The following PLXNA2 variants were observed in gnomAD, a reference collection of about 807,000 sequenced individuals.
The protein encoded by PLXNA2 is plexin A2, also known as plexin-A2.
PLXNA2 carries 91 observed loss-of-function variants against 193.5 expected under a neutral mutation model. That is an observed-to-expected ratio of 0.47 (90% confidence interval 0.40 to 0.56). The LOEUF is 0.56. PLXNA2 is among the 20% of genes least tolerant of loss of function. PLXNA2 has a pLI of 0.00. For synonymous variants in PLXNA2, 997 were observed against 1,027.3 expected (o/e 0.97, Z 0.56); for missense variants, 1,995 against 2,503.2 (o/e 0.80, Z 4.33).
intron 17 of PLXNA2, among the ~76,000 whole-genome samples, chr1:208,049,983 T>C (rs945735917): frequency 9.9e-5 from 15 of 152,216 alleles, no homozygotes; most frequent in Non-Finnish European, 4.4e-5. Flanking sequence ...AATACAATCA[T>C]GTTTCAAAAA....
At chr1:208,148,910 A>G (rs1171225452) in intron 3 of PLXNA2, among the ~76,000 whole-genome samples, 3 of 152,190 alleles carry the variant, frequency 2.0e-5, no homozygotes, top group African/African-American at 7.2e-5. Context: ...ATAAATATAA[A>G]GCTGTTCTTG....
intron 3 of PLXNA2, among the ~76,000 whole-genome samples, chr1:208,164,471 G>A (rs931221882): frequency 6.6e-6 from 1 of 152,142 alleles, no homozygotes; most frequent in East Asian, 1.9e-4. Flanking sequence ...TTGCTTTTTG[G>A]TGGTGTCTTC....
In PLXNA2 at chr1:208,038,192, C is replaced by T. The variant is rs564252488; in HGVS notation, c.4764+179G>A. 2.6e-5 allele frequency among the ~76,000 whole-genome samples: 4 copies of T among 152,292 alleles called. No individual in the cohort carries two copies. Among genetic ancestry groups the T allele is most frequent in the African/African-American group, 7.2e-5 (3 of 41,564 alleles). On this transcript the variant is annotated intron_variant, in intron 26 of 31. Coordinates refer to ENST00000367033, the MANE Select transcript of PLXNA2 (RefSeq NM_025179.4). This position sits in a 1 kb window ranked among gnomAD's most constrained non-coding sequence, Gnocchi z 4.1. ...GAGTTTGGTCACTCACGTTTTTTAT[C>T]AGTTCCCTCAGTAATTCCAATGGGC...
intron 5 of PLXNA2, among the ~76,000 whole-genome samples, chr1:208,101,408 G>T (rs1356303844): frequency 6.6e-6 from 1 of 152,188 alleles, no homozygotes; most frequent in African/African-American, 2.4e-5. Context: ...AGAAGAGAAT[G>T]ACCAGATGCA....
At position 208,096,020 on chromosome 1, in the gene PLXNA2, A is replaced by G; in HGVS notation, c.1982+9T>C. The G allele has an allele frequency of 6.2e-7, 1 of 1,603,762 alleles. No individual in the cohort carries two copies. ...ACCCAGAGCAAGACCCTTTCTAATAAGCACTTACAGTTGGTGGGCACTGCA... is the reference window on the plus strand; with the variant it reads ...ACCCAGAGCAAGACCCTTTCTAATAGGCACTTACAGTTGGTGGGCACTGCA... On this transcript the variant is annotated intron_variant, in intron 8 of 31. Transcript: ENST00000367033.
intron 29 of PLXNA2, 40 bp downstream of exon 29, chr1:208,031,550 C>G (rs1004008397): frequency 6.2e-7 from 1 of 1,612,246 alleles, no homozygotes; most frequent in African/African-American, 1.3e-5. Flanking sequence ...CTCCAGGCCT[C>G]TCCAGGCTGC....
chr1:208,121,388 A>T lies in PLXNA2; in HGVS notation c.1507-18141T>A, dbSNP rs551408572. Among the ~76,000 whole-genome samples the T allele has an allele frequency of 5.5e-4, 84 of 152,322 alleles. 1 individual carries two copies. The highest frequency in any genetic ancestry group is 2.5e-3 in the Admixed American group (38 of 15,308). The stretch of plus-strand genomic sequence containing the variant: ...AGAATTCTCGTGCTTATGAAAAAAG[A>T]ATACTGATATGGTTTGGCTCTGTGT... On this transcript the variant is annotated intron_variant, in intron 4 of 31. Coordinates refer to ENST00000367033, the MANE Select transcript of PLXNA2 (RefSeq NM_025179.4).
intron 4 of PLXNA2, among the ~76,000 whole-genome samples, chr1:208,132,206 T>A (rs1309717864): frequency 1.3e-5 from 2 of 152,194 alleles, no homozygotes; most frequent in Non-Finnish European, 2.9e-5. Context: ...AACTAAACAG[T>A]GCACTACTCC....
At chr1:208,090,443 G>A (rs776647846) in intron 9 of PLXNA2, among the ~76,000 whole-genome samples, 5 of 152,166 alleles carry the variant, frequency 3.3e-5, no homozygotes, top group East Asian at 3.9e-4. Flanking sequence ...GCCCAGCTCC[G>A]GAATGTTGAA....
intron 4 of PLXNA2, among the ~76,000 whole-genome samples, 185 bp from the exon 5 acceptor site, chr1:208,103,432 G>C (rs747269422): frequency 6.6e-6 from 1 of 152,218 alleles, no homozygotes; most frequent in Non-Finnish European, 1.5e-5. Context: ...AGGCTAAGCC[G>C]AGTGTGTCTC....
chr1:208,156,340 T>A (rs763435471), intron 3 of PLXNA2, among the ~76,000 whole-genome samples: 1 of 152,168 alleles, frequency 6.6e-6, no homozygotes, highest in Non-Finnish European at 1.5e-5. Flanking sequence ...TAGGAACTCA[T>A]CCCTATTTAA....
At chr1:208,241,896 C>G (rs1173947938) in intron 1 of PLXNA2, among the ~76,000 whole-genome samples, 1 of 141,334 alleles carries the variant, frequency 7.1e-6, no homozygotes. Flanking sequence ...AACAACCTCG[C>G]TATGACAGAT....
At chr1:208,118,683 C>T (rs1558201517) in intron 4 of PLXNA2, among the ~76,000 whole-genome samples, 1 of 151,950 alleles carries the variant, frequency 6.6e-6, no homozygotes, top group Admixed American at 6.6e-5. Flanking sequence ...CCAATGTCAT[C>T]GAGCTTCTGG....
intron 3 of PLXNA2, among the ~76,000 whole-genome samples, chr1:208,205,633 A>G (rs951792425): frequency 2.0e-5 from 3 of 152,198 alleles, no homozygotes; most frequent in Non-Finnish European, 4.4e-5. Flanking sequence ...TGGCAGTATC[A>G]TTGAGAAGAT....
At chr1:208,241,947 C>T (rs946538687) in intron 1 of PLXNA2, among the ~76,000 whole-genome samples, 4 of 152,086 alleles carry the variant, frequency 2.6e-5, no homozygotes, top group Non-Finnish European at 4.4e-5. Flanking sequence ...TCTTCACTGC[C>T]CCTTCAGCCT....
intron 12 of PLXNA2, among the ~76,000 whole-genome samples, chr1:208,061,199 T>A (rs1282986121): frequency 1.3e-5 from 2 of 152,150 alleles, no homozygotes; most frequent in Non-Finnish European, 2.9e-5. Context: ...TCAGCTTTCT[T>A]AGTTGTGAAG....
At position 208,042,325 on chromosome 1, in the gene PLXNA2, C is replaced by T; in HGVS notation, c.4059G>A (p.Lys1353=). 6.2e-7 allele frequency: 1 copy of T among 1,614,170 alleles called. No individual in the cohort carries two copies. Among genetic ancestry groups the T allele is most frequent in the South Asian group, 1.1e-5 (1 of 91,086 alleles). ...NGQQHVEKAL[K]LFAQLINNKV... is the part of the protein sequence containing the mutation. The stretch of plus-strand genomic sequence containing the variant: ...TGTTGTTGATGAGCTGGGCAAAGAG[C>T]TTCAGGGCCTTCTCCACGTGCTGCT... Residue 1353 remains lysine, a synonymous_variant, in exon 22 of 32, where the codon AAG becomes AAA. Transcript: ENST00000367033.
chr1:208,064,870 G>T (rs140328067), intron 12 of PLXNA2, among the ~76,000 whole-genome samples: 119 of 145,162 alleles, frequency 8.2e-4, no homozygotes, highest in African/African-American at 2.9e-3. Flanking sequence ...CCAATCCCCC[G>T]ACCCCCACCA....
chr1:208,102,935 T>C (rs1463247780), intron 5 of PLXNA2, among the ~76,000 whole-genome samples: 1 of 152,180 alleles, frequency 6.6e-6, no homozygotes, highest in Non-Finnish European at 1.5e-5. Context: ...GGAAGTAAAA[T>C]GGAAGAAGAG....
Sources: allele counts gnomAD v4.1 joint callset (sites outside exome capture counted in the v4.1 genomes callset), GRCh38; gene constraint gnomAD v4.1.1; non-coding constraint Gnocchi (gnomAD v3.1); transcripts MANE v1.5; gene names NCBI Gene and HGNC (gene_info 2026-07-23, HGNC 2026-07-21).